Variants in GALNT13 observed in about 807,000 individuals in gnomAD.
GALNT13 encodes UDP-GalNAc:polypeptide N-acetylgalactosaminyltransferase 13.
Under a neutral mutation model 64.2 loss-of-function variants are expected in GALNT13, and 28 were observed. That is an observed-to-expected ratio of 0.44 (90% CI 0.32 to 0.60). GALNT13 has a LOEUF of 0.60. GALNT13 is among the 20% of genes least tolerant of loss of function. The pLI is 0.05. For missense variants in GALNT13, 577 were observed against 669.8 expected, an observed-to-expected ratio of 0.86 and a Z score of 1.53; for synonymous variants, 214 against 224.6, an observed-to-expected ratio of 0.95 and a Z score of 0.42.
At chr2:153,641,387 A>G in the GALNT13 span, among the ~76,000 whole-genome samples, 1 of 152,188 alleles carries the variant, frequency 6.6e-6, no homozygotes, top group Non-Finnish European at 1.5e-5. Context: ...CATGGATAAT[A>G]ATTGATATTT....
chr2:154,013,945 G>A (rs567426575), intron 3 of GALNT13, among the ~76,000 whole-genome samples: 3 of 152,314 alleles, frequency 2.0e-5, no homozygotes, highest in Admixed American at 6.5e-5. Flanking sequence ...GACTGCCAGC[G>A]AAGAAGCTAT....
the GALNT13 span, among the ~76,000 whole-genome samples, chr2:153,266,630 T>C: frequency 2.0e-3 from 302 of 152,154 alleles, 2 homozygotes; most frequent in Non-Finnish European, 3.0e-3. Flanking sequence ...CCATCAGATC[T>C]CATGAGAACT....
rs528317166 is a variant in GALNT13 at position 154,109,413 on chromosome 2, A to C, written c.143-30924A>C. On this transcript the variant is annotated intron_variant, in intron 3 of 12. Coordinates refer to ENST00000392825, the MANE Select transcript of GALNT13 (RefSeq NM_052917.4). ...CATTTCCTATACGTAAGATCATGTC[A>C]TCAGCAAATATCAACAATTTTACTT... 1.2e-4 allele frequency among the ~76,000 whole-genome samples: 19 copies of C among 152,178 alleles called. No individual in the cohort carries two copies. In the East Asian group the frequency reaches 2.1e-3, roughly 17 times the overall value.
At chr2:153,701,696 A>C in the GALNT13 span, among the ~76,000 whole-genome samples, 1 of 152,236 alleles carries the variant, frequency 6.6e-6, no homozygotes, top group Admixed American at 6.5e-5. Context: ...ACTTTTCAAA[A>C]GACACGTATA....
intron 3 of GALNT13, among the ~76,000 whole-genome samples, chr2:153,964,128 A>G (rs970215256): frequency 2.0e-5 from 3 of 152,110 alleles, no homozygotes; most frequent in African/African-American, 7.2e-5. Context: ...CTTGAAGATA[A>G]GAAAGGCATG....
intron 9 of GALNT13, among the ~76,000 whole-genome samples, chr2:154,356,021 C>T (rs1696728234): frequency 6.6e-6 from 1 of 151,862 alleles, no homozygotes; most frequent in African/African-American, 2.4e-5. Flanking sequence ...TCAAACACCT[C>T]GATTTGATTT....
intron 3 of GALNT13, among the ~76,000 whole-genome samples, chr2:154,110,372 G>GAGAGAGAGAGAC (rs1702908874): frequency 1.0e-5 from 1 of 98,992 alleles, no homozygotes; most frequent in Non-Finnish European, 2.0e-5. Context: ...GAGAGAGAGA[G>GAGAGAGAGAGAC]AGAGACAGAG....
the GALNT13 span, among the ~76,000 whole-genome samples, chr2:153,085,764 T>G: frequency 1.3e-5 from 2 of 152,018 alleles, no homozygotes; most frequent in Non-Finnish European, 2.9e-5. Context: ...AGCCCCCACA[T>G]TGAGTGCCTA....
the GALNT13 span, among the ~76,000 whole-genome samples, chr2:153,693,977 G>A: frequency 6.6e-6 from 1 of 151,960 alleles, no homozygotes; most frequent in Non-Finnish European, 1.5e-5. Context: ...GCGTGGTGGC[G>A]GGCACCTGTA....
the GALNT13 span, among the ~76,000 whole-genome samples, chr2:153,585,651 T>C: frequency 2.0e-5 from 3 of 152,080 alleles, no homozygotes; most frequent in Non-Finnish European, 4.4e-5. Context: ...TGAAGTCAAA[T>C]TGAAAGAATG....
intron 2 of GALNT13, among the ~76,000 whole-genome samples, chr2:153,909,383 A>G (rs1331852233): frequency 6.6e-6 from 1 of 152,144 alleles, no homozygotes; most frequent in Non-Finnish European, 1.5e-5. Context: ...ATCTGCAAAC[A>G]GGAATAGTTT....
chr2:153,899,784 A>T (rs925311408), intron 1 of GALNT13, among the ~76,000 whole-genome samples: 1 of 152,022 alleles, frequency 6.6e-6, no homozygotes, highest in African/African-American at 2.4e-5. Context: ...CTCAGCAGAA[A>T]TTCTGTTTGT....
intron 4 of GALNT13, among the ~76,000 whole-genome samples, chr2:154,200,126 T>G (rs1439461013): frequency 6.6e-6 from 1 of 152,122 alleles, no homozygotes; most frequent in East Asian, 1.9e-4. Flanking sequence ...GTTATCCCTG[T>G]AAGATTTCAT....
chr2:154,263,118 T>C (rs1426511365), intron 8 of GALNT13, among the ~76,000 whole-genome samples: 4 of 152,104 alleles, frequency 2.6e-5, no homozygotes, highest in African/African-American at 9.7e-5. Flanking sequence ...ATAAAGGAGC[T>C]TGATGACAGC....
At chr2:154,393,874 C>A (rs932935621) in intron 9 of GALNT13, among the ~76,000 whole-genome samples, 2 of 151,034 alleles carry the variant, frequency 1.3e-5, no homozygotes, top group Non-Finnish European at 3.0e-5. Flanking sequence ...GTCAGGAGAT[C>A]GAGACCATCC....
the GALNT13 span, among the ~76,000 whole-genome samples, chr2:153,339,714 C>A: frequency 2.6e-5 from 4 of 152,058 alleles, no homozygotes; most frequent in Non-Finnish European, 5.9e-5. Flanking sequence ...AGCTTTTTGC[C>A]TGTGTGGTTT....
chr2:153,952,406 GA>G (rs143548706), intron 3 of GALNT13, among the ~76,000 whole-genome samples: 9,549 of 152,194 alleles, frequency 0.063, 393 homozygotes, highest in Middle Eastern at 0.13. Context: ...AGTCTGAAGT[GA>G]ATGATTATAT....
intron 3 of GALNT13, among the ~76,000 whole-genome samples, chr2:154,089,860 T>C (rs1701719747): frequency 6.6e-6 from 1 of 151,824 alleles, no homozygotes; most frequent in South Asian, 2.1e-4. Flanking sequence ...GTTGTTTTGC[T>C]GTGGAGAAGG....
rs564312502 is a variant in GALNT13, at chr2:153,876,341, T to C, written c.-177+4038T>C. Among the ~76,000 whole-genome samples the C allele has an allele frequency of 6.8e-4, 103 of 152,276 alleles. 1 individual carries two copies. In the South Asian group the frequency reaches 0.021, roughly 31 times the overall value. The stretch of plus-strand genomic sequence containing the variant: ...TTATTATTTTATCAGATTAGACTTC[T>C]GTTTACAATTTCTATCAAGGCACAT... On this transcript the variant is annotated intron_variant, in intron 1 of 12. Coordinates refer to ENST00000392825, the MANE Select transcript of GALNT13 (RefSeq NM_052917.4).
Sources: allele counts gnomAD v4.1 joint callset (sites outside exome capture counted in the v4.1 genomes callset), GRCh38; gene constraint gnomAD v4.1.1; transcripts MANE v1.5; gene names NCBI Gene and HGNC (gene_info 2026-07-23, HGNC 2026-07-21).